Variants in NLRP8 observed in about 807,000 individuals in gnomAD.
NLRP8 encodes NLR family pyrin domain containing 8.
Under a neutral mutation model 88.7 loss-of-function variants are expected in NLRP8, and 86 were observed. That is an observed-to-expected ratio of 0.97 (90% CI 0.81 to 1.16). The LOEUF (loss-of-function observed/expected upper bound fraction) is 1.16. Ranked by LOEUF, NLRP8 falls within the 50% of genes most tolerant of loss-of-function variation. NLRP8 has a pLI of 0.00. For synonymous variants in NLRP8, 504 were observed against 494.6 expected (o/e 1.02, Z -0.25); for missense variants, 1,342 against 1,286.5 (o/e 1.04, Z -0.66).
At chr19:55,977,251 T>C (rs1600315314) in intron 8 of NLRP8, among the ~76,000 whole-genome samples, 1 of 145,768 alleles carries the variant, frequency 6.9e-6, no homozygotes, top group East Asian at 2.0e-4. Flanking sequence ...ACATAAGATA[T>C]CTGCATATGT....
chr19:55,974,478 T>C (rs1980218160), intron 7 of NLRP8, among the ~76,000 whole-genome samples: 2 of 151,934 alleles, frequency 1.3e-5, no homozygotes, highest in African/African-American at 4.8e-5. Context: ...AGGCTCACTG[T>C]TTTGGGAGGC....
intron 8 of NLRP8, among the ~76,000 whole-genome samples, chr19:55,977,079 CAA>C (rs772893637): frequency 3.2e-5 from 3 of 93,204 alleles, no homozygotes; most frequent in African/African-American, 3.9e-5. Flanking sequence ...GACTCTGTCT[CAA>C]AAAAAAAAAA....
chr19:55,956,720 G>A (rs1022137507), intron 3 of NLRP8, among the ~76,000 whole-genome samples: 2 of 152,054 alleles, frequency 1.3e-5, no homozygotes, highest in African/African-American at 4.8e-5. Flanking sequence ...AGAATACTGG[G>A]CAAAATGAGA....
intron 7 of NLRP8, among the ~76,000 whole-genome samples, chr19:55,974,097 T>G (rs1980201128): frequency 6.6e-6 from 1 of 151,900 alleles, no homozygotes; most frequent in South Asian, 2.1e-4. Flanking sequence ...TAAGGAATAT[T>G]GAGATCTATC....
intron 6 of NLRP8, among the ~76,000 whole-genome samples, chr19:55,972,809 A>ATG (rs3055424): frequency 0.37 from 49,950 of 134,810 alleles, 9,095 homozygotes; most frequent in Non-Finnish European, 0.44. Flanking sequence ...GTGTGTGTGT[A>ATG]TGTGTGTGTG....
chr19:55,957,157 C>T (rs778649534), intron 3 of NLRP8, among the ~76,000 whole-genome samples: 13 of 152,260 alleles, frequency 8.5e-5, no homozygotes, highest in Non-Finnish European at 1.2e-4. Flanking sequence ...TGGAACTTAA[C>T]GTGATGATGA....
chr19:55,977,335 A>T (rs1980392050), intron 8 of NLRP8, among the ~76,000 whole-genome samples: 1 of 145,562 alleles, frequency 6.9e-6, no homozygotes. Context: ...TTTATATATT[A>T]TACATATAAG....
At chr19:55,970,287 A>G (rs912059862) in intron 5 of NLRP8, among the ~76,000 whole-genome samples, 1 of 152,190 alleles carries the variant, frequency 6.6e-6, no homozygotes, top group African/African-American at 2.4e-5. Flanking sequence ...TTGTATTTCA[A>G]GGAGCTGAAT....
At chr19:55,982,436 C>A (rs79517524) in intron 9 of NLRP8, among the ~76,000 whole-genome samples, 2 of 152,124 alleles carry the variant, frequency 1.3e-5, no homozygotes, top group African/African-American at 4.8e-5. Context: ...TACTTACGCA[C>A]AATGGAGTAC....
At chr19:55,982,179 A>C (rs1430418270) in intron 9 of NLRP8, among the ~76,000 whole-genome samples, 2 of 152,108 alleles carry the variant, frequency 1.3e-5, no homozygotes, top group African/African-American at 2.4e-5. Context: ...TGGGATTACA[A>C]GTGTGAGCCA....
chr19:55,962,325 TAG>T (rs1979650837), intron 4 of NLRP8, 88 bp downstream of exon 4: 3 of 1,377,854 alleles, frequency 2.2e-6, no homozygotes, highest in Non-Finnish European at 2.0e-6. Flanking sequence ...CCACTCACAC[TAG>T]ACTTCCGGAA....
chr19:55,954,802 G>A lies in NLRP8; in HGVS notation c.744G>A (p.Val248=), dbSNP rs1356287261. 5.0e-6 allele frequency: 8 copies of A among 1,614,190 alleles called. No homozygotes were observed. The highest frequency in any genetic ancestry group is 1.1e-5 in the South Asian group (1 of 91,080). The change falls in exon 3 of 10, where the codon GTG becomes GTA. Residue 248 remains valine, a synonymous_variant. Coordinates refer to ENST00000291971, the MANE Select transcript of NLRP8 (RefSeq NM_176811.2). ...CTTTCTACTTCCATTGCCAAGAGGT[G>A]AACCAGACGACAGACCAGAGCTTCT...
intron 1 of NLRP8, 62 bp from the exon 2 acceptor site, chr19:55,952,476 C>G (rs1372098029): frequency 7.2e-7 from 1 of 1,393,536 alleles, no homozygotes; most frequent in Non-Finnish European, 1.0e-6. Context: ...TGGCTCCATG[C>G]TGTTTCCCTG....
rs531139680 is a variant in NLRP8, at chr19:55,958,543, T to C, written c.2042+2443T>C. ...GCTTGTTTAGGTAAATACAGTTTGATTGGAGCCCGGCCATGCTTGTGACAT... is the reference window on the plus strand; with the variant it reads ...GCTTGTTTAGGTAAATACAGTTTGACTGGAGCCCGGCCATGCTTGTGACAT... On this transcript the variant is annotated intron_variant, in intron 3 of 9. Transcript: ENST00000291971. Among the ~76,000 whole-genome samples the C allele has an allele frequency of 3.3e-5, 5 of 152,266 alleles. No homozygotes were observed. The South Asian group carries it at 8.3e-4, about 25-fold the overall frequency.
Position 55,987,821 on chromosome 19 carries a change from C to T in NLRP8, c.3055C>T (p.Pro1019Ser). Residue 1019 changes from proline (P) to serine (S), a missense_variant, in exon 10 of 10, where the codon CCT (proline) becomes TCT (serine). Pro to Ser is a moderately conservative substitution (Grantham distance 74, BLOSUM62 -1). Transcript: ENST00000291971. Reference sequence around the variant, plus strand: ...TCCTTTACCTCCCTCCAGCTGTATTCCTGCCTGGACTCGAATAACTAGCTT... The same window carrying T: ...TCCTTTACCTCCCTCCAGCTGTATTTCTGCCTGGACTCGAATAACTAGCTT... 3 of 1,613,548 alleles carry T rather than the reference C, an allele frequency of 1.9e-6. No homozygotes were observed. Among genetic ancestry groups the T allele is most frequent in the African/African-American group, 1.3e-5 (1 of 75,010 alleles).
Position 55,962,121 on chromosome 19 carries a change from T to C in NLRP8, c.2097T>C (p.Phe699=), listed in dbSNP as rs748368631. 6.2e-7 allele frequency: 1 copy of C among 1,614,192 alleles called. No individual in the cohort carries two copies. The highest frequency in any genetic ancestry group is 1.1e-5 in the South Asian group (1 of 91,080). Residue 699 remains phenylalanine (F), a synonymous_variant, in exon 4 of 10, where the codon TTT becomes TTC. Coordinates refer to ENST00000291971, the MANE Select transcript of NLRP8 (RefSeq NM_176811.2). ...GGTGGCAAGACTTATGCTCTGTGTT[T>C]GCAACGAATGATAAGCTGGAAGTCC...
At chr19:55,959,035 C>T (rs963722401) in intron 3 of NLRP8, among the ~76,000 whole-genome samples, 5 of 151,044 alleles carry the variant, frequency 3.3e-5, no homozygotes, top group Non-Finnish European at 7.4e-5. Context: ...CCCGCCAACA[C>T]GCCAAGCTAA....
intron 1 of NLRP8, among the ~76,000 whole-genome samples, chr19:55,948,628 G>A (rs1353090189): frequency 6.6e-6 from 1 of 152,016 alleles, no homozygotes; most frequent in Non-Finnish European, 1.5e-5. Flanking sequence ...AGTAGAGACG[G>A]GGTTTCACCA....
intron 9 of NLRP8, among the ~76,000 whole-genome samples, chr19:55,983,818 C>CAAAAAAAAAAA (rs56312019): frequency 2.4e-5 from 2 of 84,658 alleles, no homozygotes; most frequent in Non-Finnish European, 4.5e-5. Flanking sequence ...CTAGTAGATG[C>CAAAAAAAAAAA]AAAAAAAAAA....
Sources: allele counts gnomAD v4.1 joint callset (sites outside exome capture counted in the v4.1 genomes callset), GRCh38; gene constraint gnomAD v4.1.1; transcripts MANE v1.5; gene names NCBI Gene and HGNC (gene_info 2026-07-23, HGNC 2026-07-21).